Variants in LRP5 observed in about 807,000 individuals in gnomAD.
LRP5 encodes the protein LDL receptor related protein 5.
Under a neutral mutation model 154.1 loss-of-function variants are expected in LRP5, and 62 were observed. That is an observed-to-expected ratio of 0.40 (90% CI 0.33 to 0.50). The LOEUF is 0.50. Ranked by LOEUF, LRP5 falls within the 20% of genes least tolerant of loss-of-function variation. The pLI is 0.55. For synonymous variants in LRP5, 966 were observed against 1,011.5 expected, an observed-to-expected ratio of 0.96 and a Z score of 0.85; for missense variants, 1,915 against 2,336.7, an observed-to-expected ratio of 0.82 and a Z score of 3.72.
chr11:68,381,901 A>G (rs1319625580), intron 5 of LRP5, among the ~76,000 whole-genome samples: 1 of 152,300 alleles, frequency 6.6e-6, no homozygotes, highest in Admixed American at 6.5e-5. Flanking sequence ...AGCTGTGGGC[A>G]CCAGCCTTGG....
intron 1 of LRP5, among the ~76,000 whole-genome samples, chr11:68,340,308 C>A (rs559938806): frequency 5.3e-5 from 8 of 152,190 alleles, no homozygotes; most frequent in African/African-American, 1.9e-4. Context: ...GAAACTGAGG[C>A]TCTGGGAGAT....
chr11:68,404,976 CAAA>C (rs57270982), intron 8 of LRP5, among the ~76,000 whole-genome samples: 4 of 41,046 alleles, frequency 9.7e-5, no homozygotes, highest in Non-Finnish European at 1.5e-4. Flanking sequence ...GACTCCGTCT[CAAA>C]AAAAAAAAAA....
intron 4 of LRP5, among the ~76,000 whole-genome samples, chr11:68,364,358 A>G (rs199730217): frequency 0.12 from 17,258 of 145,344 alleles, 1,287 homozygotes; most frequent in Admixed American, 0.25. Flanking sequence ...ATACATATAT[A>G]TGTGTGTGTG....
chr11:68,394,216 A>G (rs918909417), intron 7 of LRP5, among the ~76,000 whole-genome samples: 1 of 152,166 alleles, frequency 6.6e-6, no homozygotes, highest in Non-Finnish European at 1.5e-5. Context: ...TCCAGACTGG[A>G]GTAGGACAGG....
At chr11:68,420,652 C>G (rs552222563) in intron 13 of LRP5, among the ~76,000 whole-genome samples, 2 of 151,356 alleles carry the variant, frequency 1.3e-5, no homozygotes, top group African/African-American at 4.9e-5. Flanking sequence ...TGCAGTGAAC[C>G]AAGATTGTGC....
intron 13 of LRP5, 111 bp downstream of exon 13, chr11:68,416,638 T>C: frequency 9.9e-7 from 1 of 1,014,532 alleles, no homozygotes; most frequent in East Asian, 2.6e-5. Context: ...AGGATGGCTC[T>C]GGGTGAATGA....
chr11:68,305,035 T>C, the LRP5 span, among the ~76,000 whole-genome samples: 5 of 152,062 alleles, frequency 3.3e-5, no homozygotes, highest in East Asian at 9.7e-4. Flanking sequence ...TATTTTGCAA[T>C]GTGAGAAGAA....
At position 68,389,727 on chromosome 11, in the gene LRP5, C is replaced by T. The variant is rs78578398; in HGVS notation, c.1413-154C>T. Among the ~76,000 whole-genome samples, 3,049 of 152,250 alleles carry T rather than the reference C, an allele frequency of 0.02. 115 individuals carry two copies. Among genetic ancestry groups the T allele is most frequent in the African/African-American group, 0.07 (2,916 of 41,546 alleles). ...TGATGTTTACCAACACCGACATTTA[C>T]GAGCACCGACATTTACTGACACCAA... On this transcript the variant is annotated intron_variant, in intron 6 of 22. Transcript: ENST00000294304.
At chr11:68,385,274 C>T (rs1019253249) in intron 5 of LRP5, among the ~76,000 whole-genome samples, 56 of 152,242 alleles carry the variant, frequency 3.7e-4, no homozygotes, top group African/African-American at 1.3e-3. Flanking sequence ...CCACCTGTGC[C>T]GTGGAGGGGC....
chr11:68,348,326 G>GT lies in LRP5; in HGVS notation c.488+88dup, dbSNP rs1300199669. On this transcript the variant is annotated intron_variant, in intron 2 of 22. Transcript: ENST00000294304. ...TCTCGAATTTGCATGAGCCCAAGTT[G>GT]TTTTTCAGAAAAAGGGTGTGACTCT... 5.1e-6 allele frequency: 8 copies of GT among 1,568,430 alleles called. No individual in the cohort carries two copies. In the African/African-American group the frequency reaches 5.4e-5, roughly 11 times the overall value.
At chr11:68,436,117 G>A (rs1356826996) in intron 18 of LRP5, among the ~76,000 whole-genome samples, 1 of 152,218 alleles carries the variant, frequency 6.6e-6, no homozygotes, top group Non-Finnish European at 1.5e-5. Flanking sequence ...CGTGTGCCCC[G>A]CGGTGCTGGT....
chr11:68,328,962 C>T (rs2098601239), intron 1 of LRP5, among the ~76,000 whole-genome samples: 1 of 152,146 alleles, frequency 6.6e-6, no homozygotes, highest in South Asian at 2.1e-4. Context: ...CTTGAGACTG[C>T]GTGGGTGGGG....
chr11:68,409,623 G>C (rs887250690), intron 9 of LRP5, among the ~76,000 whole-genome samples: 2 of 151,854 alleles, frequency 1.3e-5, no homozygotes, highest in South Asian at 4.2e-4. Flanking sequence ...GAGGCAGGTG[G>C]ATCAACTGAG....
At chr11:68,373,473 G>A (rs1203351639) in intron 5 of LRP5, among the ~76,000 whole-genome samples, 2 of 152,184 alleles carry the variant, frequency 1.3e-5, no homozygotes, top group Non-Finnish European at 2.9e-5. Flanking sequence ...CTAGCCCTGG[G>A]CTGTGTCCTG....
In LRP5 at chr11:68,401,396, G is replaced by A. The variant is rs986029034; in HGVS notation, c.1585-2087G>A. ...GGCTGGTCTAACCATGTTCCCGCCC[G>A]CCTGCTCATCAGAACCGCCTGTTGG... On this transcript the variant is annotated intron_variant, in intron 7 of 22. Coordinates refer to ENST00000294304, the MANE Select transcript of LRP5 (RefSeq NM_002335.4). Among the ~76,000 whole-genome samples the A allele has an allele frequency of 3.3e-5, 5 of 152,286 alleles. No individual in the cohort carries two copies. The South Asian group carries it at 8.3e-4, about 25-fold the overall frequency.
At chr11:68,318,203 C>T (rs189511715) in intron 1 of LRP5, among the ~76,000 whole-genome samples, 2,004 of 151,836 alleles carry the variant, frequency 0.013, 46 homozygotes, top group African/African-American at 0.046. Context: ...TACAGGCACC[C>T]GCCACCACGC....
At position 68,409,914 on chromosome 11, in the gene LRP5, A is replaced by G. The variant is rs1196921878; in HGVS notation, c.2092A>G (p.Thr698Ala). ...HIYWTDVSLK[T>A]ISRAFMNGSS... ...CCTTTTCCTCCTCACCTGCTGCCAG[A>G]CCATCAGCCGCGCCTTCATGAACGG... Residue 698 changes from threonine (T) to alanine (A), a missense_variant and splice_region_variant, in exon 10 of 23, where the codon ACC (threonine) becomes GCC (alanine). Transcript: ENST00000294304. 1.9e-6 allele frequency: 3 copies of G among 1,612,282 alleles called. No individual in the cohort carries two copies. The Admixed American group carries it at 5.0e-5, about 27-fold the overall frequency.
At chr11:68,318,997 C>T (rs374604589) in intron 1 of LRP5, among the ~76,000 whole-genome samples, 11 of 152,136 alleles carry the variant, frequency 7.2e-5, no homozygotes, top group African/African-American at 1.2e-4. Context: ...GCCTCTGGAT[C>T]GCTAGAGATT....
At chr11:68,383,317 C>T (rs1334646184) in intron 5 of LRP5, among the ~76,000 whole-genome samples, 4 of 152,146 alleles carry the variant, frequency 2.6e-5, no homozygotes, top group Non-Finnish European at 5.9e-5. Context: ...TGAGGTCAAG[C>T]GTGATTCGTC....
Sources: gnomAD v4.1 joint callset for allele counts (sites outside exome capture counted in the v4.1 genomes callset) on GRCh38, gnomAD v4.1.1 for gene constraint, MANE v1.5 for transcripts, NCBI Gene and HGNC (gene_info 2026-07-23, HGNC 2026-07-21) for gene names.